Variants in ITSN1 observed in about 807,000 individuals in gnomAD.
ITSN1 encodes the protein intersectin 1.
Under a neutral mutation model 239.8 loss-of-function variants are expected in ITSN1, and 58 were observed. That is an observed-to-expected ratio of 0.24 (90% CI 0.20 to 0.30). The LOEUF (loss-of-function observed/expected upper bound fraction) is 0.30. ITSN1 is among the 10% of genes least tolerant of loss of function. ITSN1 has a pLI of 1.00. For missense variants in ITSN1, 1,558 were observed against 2,103.3 expected, an observed-to-expected ratio of 0.74 and a Z score of 5.07; for synonymous variants, 780 against 770.8, an observed-to-expected ratio of 1.01 and a Z score of -0.20.
At chr21:33,738,591 G>A (rs1024392052) in intron 5 of ITSN1, among the ~76,000 whole-genome samples, 1 of 151,892 alleles carries the variant, frequency 6.6e-6, no homozygotes, top group South Asian at 2.1e-4. Flanking sequence ...TAGTAGCGAC[G>A]GGGTTTCACC....
chr21:33,829,577 C>T, intron 26 of ITSN1, 47 bp from the exon 27 acceptor site: 1 of 1,602,128 alleles, frequency 6.2e-7, no homozygotes, highest in Non-Finnish European at 8.5e-7. Context: ...GCCTTTTCTC[C>T]TGCTGACTCT....
intron 1 of ITSN1, among the ~76,000 whole-genome samples, chr21:33,653,856 A>G (rs1601443915): frequency 2.0e-5 from 3 of 151,890 alleles, no homozygotes; most frequent in African/African-American, 7.3e-5. Context: ...ATGTCTTGTT[A>G]TATCGCCCAG....
chr21:33,891,160 A>G lies in ITSN1; in HGVS notation c.*2860A>G, dbSNP rs1986338460. 6.6e-6 allele frequency: 1 copy of G among 152,284 alleles called. No individual in the cohort carries two copies. Among genetic ancestry groups the G allele is most frequent in the South Asian group, 2.1e-4 (1 of 4,836 alleles). 9.4% of individuals were successfully genotyped at this position (152,284 alleles called of 1,614,324 possible). On this transcript the variant is annotated 3_prime_UTR_variant, in exon 40 of 40. Transcript: ENST00000381318. ...TCCTGGAACCAGGTTTGCTGTGACC[A>G]TGAGAGCCTGAAGATGTGGCTCATT...
intron 29 of ITSN1, among the ~76,000 whole-genome samples, chr21:33,845,194 G>T (rs564852565): frequency 2.6e-5 from 4 of 151,946 alleles, no homozygotes; most frequent in Admixed American, 2.6e-4. Context: ...ATGACTGGGG[G>T]CCAGGGATCC....
chr21:33,718,686 G>GCT, intron 1 of ITSN1, 111 bp from the exon 2 acceptor site: 1 of 730,464 alleles, frequency 1.4e-6, no homozygotes, highest in Non-Finnish European at 2.4e-6. Flanking sequence ...GTAGAGCTAT[G>GCT]CTCTGGCTCT....
rs1159683239 is a variant in ITSN1 at position 33,829,620 on chromosome 21, T to G, written c.3230-4T>G. The G allele has an allele frequency of 6.2e-7, 1 of 1,612,000 alleles. No individual in the cohort carries two copies. Among genetic ancestry groups the G allele is most frequent in the African/African-American group, 1.3e-5 (1 of 74,840 alleles). On this transcript the variant is annotated splice_polypyrimidine_tract_variant and splice_region_variant and intron_variant, in intron 26 of 39. Transcript: ENST00000381318. ...GCACTGCCGTGTTTGATCTTGTTTT[T>G]CAGAAATTGCCCAGGTTATTGCCTC...
At chr21:33,804,469 C>T (rs2072250258) in intron 20 of ITSN1, among the ~76,000 whole-genome samples, 1 of 152,120 alleles carries the variant, frequency 6.6e-6, no homozygotes, top group Non-Finnish European at 1.5e-5. Flanking sequence ...ATGAAGTTCT[C>T]AATAAACATT....
At chr21:33,710,112 T>C (rs1409683765) in intron 1 of ITSN1, among the ~76,000 whole-genome samples, 1 of 150,688 alleles carries the variant, frequency 6.6e-6, no homozygotes, top group Admixed American at 6.6e-5. Context: ...AGAGTCTCGC[T>C]TTGTCACCCG....
Position 33,892,548 on chromosome 21 carries a change from A to ATGGCTGAGCTCAGATGAGGT in ITSN1, c.*4249_*4250insGGCTGAGCTCAGATGAGGTT, listed in dbSNP as rs1986434250. 3 of 152,164 alleles carry ATGGCTGAGCTCAGATGAGGT rather than the reference A, an allele frequency of 2.0e-5. 1 individual carries two copies. The highest frequency in any genetic ancestry group is 4.2e-4 in the South Asian group (2 of 4,818). The allele number at this position is 152,164 out of a possible 1,614,324, so 9.4% of individuals were successfully genotyped here. A position where few individuals can be genotyped will look rare whatever the true frequency, so the allele number is the denominator to read the frequency against. ...CTGGGAAGGCTGAGCTCAGATGAGG[A>ATGGCTGAGCTCAGATGAGGT]TTGCTAGGCCAGCCTAGGTTCTGGG... On this transcript the variant is annotated 3_prime_UTR_variant, in exon 40 of 40. Coordinates refer to ENST00000381318, the MANE Select transcript of ITSN1 (RefSeq NM_003024.3).
rs1207147985 is a variant in ITSN1 at position 33,867,330 on chromosome 21, A to G, written c.4172A>G (p.Asn1391Ser). The change falls in exon 33 of 40, where the codon AAT (asparagine) becomes AGT (serine). Residue 1391 changes from asparagine to serine, a missense_variant and splice_region_variant. Coordinates refer to ENST00000381318, the MANE Select transcript of ITSN1 (RefSeq NM_003024.3). ...ACAAGATACCCACTGATCATTAAAA[A>G]TGTAAGTACCTGTCTTGCCTTTTCA... ...RVTRYPLIIK[N>S]ILENTPENHP... 6.4e-7 allele frequency: 1 copy of G among 1,572,364 alleles called. No homozygotes were observed. Among genetic ancestry groups the G allele is most frequent in the African/African-American group, 1.3e-5 (1 of 74,080 alleles).
At chr21:33,765,833 A>C in intron 9 of ITSN1, 42 bp from the exon 10 acceptor site, 1 of 1,608,842 alleles carries the variant, frequency 6.2e-7, no homozygotes, top group Non-Finnish European at 8.5e-7. Flanking sequence ...AAAAGCATGA[A>C]TTTTCATGAA....
intron 20 of ITSN1, among the ~76,000 whole-genome samples, chr21:33,806,527 T>G (rs559239765): frequency 2.6e-5 from 4 of 152,380 alleles, no homozygotes; most frequent in Admixed American, 2.6e-4. Flanking sequence ...ATCATCGGCC[T>G]TTGCCAAACG....
chr21:33,830,334 C>T (rs1187454906), intron 27 of ITSN1, among the ~76,000 whole-genome samples: 2 of 152,184 alleles, frequency 1.3e-5, no homozygotes, highest in African/African-American at 4.8e-5. Context: ...GATGCCCAAT[C>T]TGCAAGAAAA....
intron 1 of ITSN1, among the ~76,000 whole-genome samples, chr21:33,660,498 A>T (rs1443572187): frequency 6.6e-6 from 1 of 152,364 alleles, no homozygotes; most frequent in East Asian, 1.9e-4. Flanking sequence ...AAACAAAAAA[A>T]TTTAGTGAAA....
intron 20 of ITSN1, among the ~76,000 whole-genome samples, chr21:33,805,136 T>C (rs2072314712): frequency 6.6e-6 from 1 of 152,248 alleles, no homozygotes; most frequent in South Asian, 2.1e-4. Flanking sequence ...TGTTAGGTAG[T>C]CAATTTCAGG....
At chr21:33,816,206 A>G (rs2073259298) in intron 22 of ITSN1, among the ~76,000 whole-genome samples, 1 of 152,032 alleles carries the variant, frequency 6.6e-6, no homozygotes, top group African/African-American at 2.4e-5. Context: ...AAAAAAAAAA[A>G]GAATTGCCTG....
At chr21:33,697,904 A>G (rs1473134983) in intron 1 of ITSN1, among the ~76,000 whole-genome samples, 1 of 152,242 alleles carries the variant, frequency 6.6e-6, no homozygotes, top group East Asian at 1.9e-4. Flanking sequence ...TAGACAAACT[A>G]TGGATAATAA....
intron 3 of ITSN1, among the ~76,000 whole-genome samples, chr21:33,721,579 TGAGGTCAG>T (rs1042237809): frequency 6.6e-6 from 1 of 151,856 alleles, no homozygotes; most frequent in Non-Finnish European, 1.5e-5. Context: ...GCAGATCCCT[TGAGGTCAG>T]GAGTTCCAAA....
At chr21:33,819,208 A>AAAT in intron 23 of ITSN1, 33 bp from the exon 24 acceptor site, 1 of 1,527,416 alleles carries the variant, frequency 6.5e-7, no homozygotes, top group Admixed American at 1.8e-5. Flanking sequence ...TTGAAGATAA[A>AAAT]AATTAAAATA....
Sources: gnomAD v4.1 joint callset for allele counts (sites outside exome capture counted in the v4.1 genomes callset) on GRCh38, gnomAD v4.1.1 for gene constraint, MANE v1.5 for transcripts, NCBI Gene and HGNC (gene_info 2026-07-23, HGNC 2026-07-21) for gene names.